RP1: variants seen among roughly 807,000 people sequenced by gnomAD.
The protein encoded by RP1 is oxygen-regulated protein 1.
RP1 carries 16 observed loss-of-function variants against 14.8 expected under a neutral mutation model. That is an observed-to-expected ratio of 1.08 (90% CI 0.73 to 1.65). RP1 has a LOEUF of 1.65. Ranked by LOEUF, RP1 falls within the 40% of genes most tolerant of loss-of-function variation. RP1 has a pLI of 0.00. For synonymous variants in RP1, 876 were observed against 883.6 expected, an observed-to-expected ratio of 0.99 and a Z score of 0.15; for missense variants, 2,631 against 2,535.0, an observed-to-expected ratio of 1.04 and a Z score of -0.81.
At chr8:54,589,144 T>C (rs1273887712) in intron 1 of RP1, among the ~76,000 whole-genome samples, 1 of 152,184 alleles carries the variant, frequency 6.6e-6, no homozygotes, top group East Asian at 1.9e-4. Flanking sequence ...CTGTAAATCG[T>C]TGACTTCCTC....
intron 27 of RP1, among the ~76,000 whole-genome samples, chr8:54,859,294 G>A (rs1585754024): frequency 6.6e-6 from 1 of 151,564 alleles, no homozygotes; most frequent in African/African-American, 2.4e-5. Flanking sequence ...CCACTGTGGA[G>A]TGTTGTCACT....
At chr8:54,663,628 G>T (rs1806946339) in intron 6 of RP1, 5 of 1,354,036 alleles carry the variant, frequency 3.7e-6, no homozygotes, top group Middle Eastern at 1.9e-4. Context: ...GATAAGAGGA[G>T]ATTTCTGTAT....
intron 12 of RP1, chr8:54,680,063 T>A: frequency 1.7e-6 from 2 of 1,194,470 alleles, no homozygotes; most frequent in Non-Finnish European, 2.2e-6. Flanking sequence ...TTAGGCCATT[T>A]AAATAATTTA....
intron 27 of RP1, among the ~76,000 whole-genome samples, chr8:54,858,676 G>A (rs2129327657): frequency 6.6e-6 from 1 of 152,170 alleles, no homozygotes; most frequent in African/African-American, 2.4e-5. Flanking sequence ...GTGGAGCAGT[G>A]TCACTGTAGA....
chr8:54,709,190 A>T (rs1332680639), intron 15 of RP1, among the ~76,000 whole-genome samples: 1 of 152,200 alleles, frequency 6.6e-6, no homozygotes, highest in African/African-American at 2.4e-5. Context: ...CATGAGGCAG[A>T]GGTGATTCTA....
At chr8:54,569,911 G>T (rs1325490776) in intron 1 of RP1, among the ~76,000 whole-genome samples, 3 of 152,330 alleles carry the variant, frequency 2.0e-5, no homozygotes, top group Admixed American at 1.3e-4. Flanking sequence ...TGTAGGAAAG[G>T]TTCCCTCTCA....
intron 3 of RP1, among the ~76,000 whole-genome samples, chr8:54,637,926 C>G (rs1806381539): frequency 6.6e-6 from 1 of 152,042 alleles, no homozygotes; most frequent in African/African-American, 2.4e-5. Context: ...CATTATTTTT[C>G]TTGAAGGCAT....
chr8:54,834,753 C>T (rs568568501), intron 24 of RP1, among the ~76,000 whole-genome samples: 6 of 151,378 alleles, frequency 4.0e-5, no homozygotes, highest in African/African-American at 1.5e-4. Flanking sequence ...TGTTAGAACT[C>T]AAGTTTTTAG....
intron 21 of RP1, chr8:54,755,782 C>G: frequency 1.4e-6 from 2 of 1,449,050 alleles, no homozygotes; most frequent in South Asian, 2.7e-5. Context: ...TGAGTCTATA[C>G]AAATAATTTC....
At position 54,628,776 on chromosome 8, in the gene RP1, A is replaced by G. The variant is rs745446688; in HGVS notation, c.4894A>G (p.Ile1632Val). ...EYNIGFVKRA[I>V]EKLYGKADII... ...TAACATAGGATTTGTTAAAAGGGCA[A>G]TAGAAAAACTGTACGGTAAAGCAGA... is the stretch of plus-strand genomic sequence containing the variant. Residue 1632 changes from isoleucine (I) to valine (V), a missense_variant, in exon 4 of 4, where the codon ATA (isoleucine) becomes GTA (valine). Coordinates refer to ENST00000220676, the MANE Select transcript of RP1 (RefSeq NM_006269.2). 2.5e-6 allele frequency: 4 copies of G among 1,614,156 alleles called. No individual in the cohort carries two copies. The highest frequency in any genetic ancestry group is 1.7e-5 in the Admixed American group (1 of 60,030).
chr8:54,831,909 A>T (rs1218709537), intron 24 of RP1, among the ~76,000 whole-genome samples: 1 of 151,514 alleles, frequency 6.6e-6, no homozygotes, highest in Admixed American at 6.6e-5. Flanking sequence ...TTTAAAGAAT[A>T]TTTTTTGCTA....
intron 12 of RP1, among the ~76,000 whole-genome samples, chr8:54,684,771 T>A (rs184943037): frequency 6.6e-6 from 1 of 152,234 alleles, no homozygotes; most frequent in Admixed American, 6.5e-5. Context: ...ATGTGCAGGA[T>A]GTGCAGGTAC....
At chr8:54,634,290 A>C (rs1397140595), downstream of RP1, among the ~76,000 whole-genome samples, 1 of 152,226 alleles carries the variant, frequency 6.6e-6, no homozygotes. Flanking sequence ...TAACATATAC[A>C]ATGGGCTGAA....
intron 15 of RP1, among the ~76,000 whole-genome samples, chr8:54,715,659 A>G (rs1280400658): frequency 6.6e-6 from 1 of 152,182 alleles, no homozygotes; most frequent in Non-Finnish European, 1.5e-5. Flanking sequence ...AGTTTCCTAG[A>G]ATGGTGAATT....
chr8:54,751,466 A>C (rs1443948086), intron 19 of RP1, among the ~76,000 whole-genome samples: 1 of 152,216 alleles, frequency 6.6e-6, no homozygotes, highest in Admixed American at 6.5e-5. Context: ...TCACCATTAC[A>C]AGACTGCTGT....
chr8:54,768,669 A>G (rs1235696294), intron 22 of RP1, among the ~76,000 whole-genome samples: 3 of 152,176 alleles, frequency 2.0e-5, no homozygotes, highest in African/African-American at 7.2e-5. Flanking sequence ...CACTGCTATG[A>G]GGCAGGTAAT....
intron 26 of RP1, among the ~76,000 whole-genome samples, chr8:54,856,117 G>C (rs955700511): frequency 2.0e-5 from 3 of 152,184 alleles, no homozygotes; most frequent in African/African-American, 7.2e-5. Flanking sequence ...GTAATATTCA[G>C]TAATGAAAAT....
At chr8:54,642,913 G>A (rs1394002390) in intron 3 of RP1, among the ~76,000 whole-genome samples, 1 of 152,100 alleles carries the variant, frequency 6.6e-6, no homozygotes, top group Non-Finnish European at 1.5e-5. Flanking sequence ...CACTCTGATA[G>A]ATGAAAAACA....
At chr8:54,842,146 A>G (rs1007714063) in intron 25 of RP1, among the ~76,000 whole-genome samples, 1 of 152,196 alleles carries the variant, frequency 6.6e-6, no homozygotes, top group African/African-American at 2.4e-5. Flanking sequence ...AGTACTCGTC[A>G]ATATGTGAGG....
Sources: gnomAD v4.1 joint callset for allele counts (sites outside exome capture counted in the v4.1 genomes callset) on GRCh38, gnomAD v4.1.1 for gene constraint, MANE v1.5 for transcripts, NCBI Gene and HGNC (gene_info 2026-07-23, HGNC 2026-07-21) for gene names.